The following TRIO variants were observed in gnomAD, a reference collection of about 807,000 sequenced individuals.
TRIO encodes the protein triple functional domain protein.
A neutral mutation model predicts 351.9 loss-of-function variants in TRIO; 58 were observed. The observed-to-expected ratio is 0.16, with a 90% CI of 0.13 to 0.21. The LOEUF is 0.21. TRIO is among the 10% of genes least tolerant of loss of function. The pLI is 1.00. For synonymous variants in TRIO, 1,758 were observed against 1,595.7 expected, an observed-to-expected ratio of 1.10 and a Z score of -2.42; for missense variants, 3,201 against 4,027.8, an observed-to-expected ratio of 0.79 and a Z score of 5.56.
chr5:14,370,357 A>G (rs1744992638), intron 18 of TRIO, among the ~76,000 whole-genome samples: 1 of 152,138 alleles, frequency 6.6e-6, no homozygotes, highest in African/African-American at 2.4e-5. Context: ...AAGTAGTTGA[A>G]ACATTTAGCA....
At chr5:14,204,703 C>T (rs1791350007) in intron 1 of TRIO, among the ~76,000 whole-genome samples, 1 of 152,126 alleles carries the variant, frequency 6.6e-6, no homozygotes, top group Non-Finnish European at 1.5e-5. Context: ...GGGGAACAGA[C>T]ATGAAGTAAA....
At chr5:14,206,581 C>G (rs1231727343) in intron 1 of TRIO, among the ~76,000 whole-genome samples, 1 of 152,208 alleles carries the variant, frequency 6.6e-6, no homozygotes, top group Non-Finnish European at 1.5e-5. Flanking sequence ...TCCCGCTGCC[C>G]TTCTGTTCTG....
intron 1 of TRIO, among the ~76,000 whole-genome samples, chr5:14,168,404 T>C (rs1788903249): frequency 6.6e-6 from 1 of 152,256 alleles, no homozygotes; most frequent in South Asian, 2.1e-4. Context: ...ACAAGTACAT[T>C]ACTCATATTT....
At chr5:14,319,464 G>C (rs1297115472) in intron 9 of TRIO, among the ~76,000 whole-genome samples, 1 of 152,234 alleles carries the variant, frequency 6.6e-6, no homozygotes, top group Non-Finnish European at 1.5e-5. Flanking sequence ...ATTAAGCATA[G>C]AGTAGGAGAG....
chr5:14,459,021 G>A (rs900939332), intron 34 of TRIO, among the ~76,000 whole-genome samples: 59 of 152,286 alleles, frequency 3.9e-4, no homozygotes, highest in Non-Finnish European at 5.9e-4. Flanking sequence ...GAGGGGAAAG[G>A]GTTATCATTC....
At chr5:14,397,392 C>T in intron 29 of TRIO, 1 of 422,050 alleles carries the variant, frequency 2.4e-6, no homozygotes, top group Non-Finnish European at 4.3e-6. Context: ...CTCTGGACTC[C>T]AATAGCACTT....
intron 1 of TRIO, among the ~76,000 whole-genome samples, chr5:14,159,175 C>A (rs1257618453): frequency 1.3e-5 from 2 of 152,102 alleles, no homozygotes; most frequent in African/African-American, 4.8e-5. Context: ...CCCCCTCTCC[C>A]TTTTTTTGGT....
intron 27 of TRIO, among the ~76,000 whole-genome samples, chr5:14,392,135 C>A (rs935558321): frequency 6.6e-6 from 1 of 152,154 alleles, no homozygotes; most frequent in African/African-American, 2.4e-5. Flanking sequence ...AAACTATCAT[C>A]AGAGTGAACA....
intron 55 of TRIO, among the ~76,000 whole-genome samples, chr5:14,506,028 G>A (rs576508571): frequency 6.6e-6 from 1 of 152,272 alleles, no homozygotes; most frequent in African/African-American, 2.4e-5. Context: ...GAGATGGGGC[G>A]ATGTGTGTGG....
chr5:14,225,788 T>TC (rs1472666432), intron 1 of TRIO, among the ~76,000 whole-genome samples: 5,985 of 45,544 alleles, frequency 0.13, 51 homozygotes, highest in Middle Eastern at 0.2. Context: ...TATTCACTGC[T>TC]CCCACCCCCC....
At chr5:14,318,491 T>C (rs1739583157) in intron 9 of TRIO, among the ~76,000 whole-genome samples, 1 of 151,988 alleles carries the variant, frequency 6.6e-6, no homozygotes, top group South Asian at 2.1e-4. Flanking sequence ...GCCCTGTAAT[T>C]TTTAATTTTC....
rs1428269619 is a variant in TRIO at position 14,406,419 on chromosome 5, G to C, written c.4860-154G>C. 3.0e-5 allele frequency: 21 copies of C among 706,274 alleles called. No homozygotes were observed. The East Asian group carries it at 5.4e-4, about 18-fold the overall frequency. The allele number at this position is 706,274 out of a possible 1,614,324, so 43.8% of individuals were successfully genotyped here. A position where few individuals can be genotyped will look rare whatever the true frequency, so the allele number is the denominator to read the frequency against. On this transcript the variant is annotated intron_variant, in intron 32 of 56. Coordinates refer to ENST00000344204, the MANE Select transcript of TRIO (RefSeq NM_007118.4). ...CAGCACAGTGCCTAGCAGAAAGCCT[G>C]TGCTCGGTGAAGGGTGCCTTAACCA...
At chr5:14,506,855 G>A (rs1186878927) in intron 55 of TRIO, among the ~76,000 whole-genome samples, 2 of 152,138 alleles carry the variant, frequency 1.3e-5, no homozygotes, top group Non-Finnish European at 2.9e-5. Context: ...GCCATCCCCC[G>A]CAACAGGCGG....
chr5:14,266,043 T>TCATCCATC (rs933273136), intron 1 of TRIO, among the ~76,000 whole-genome samples: 1 of 152,122 alleles, frequency 6.6e-6, no homozygotes, highest in East Asian at 1.9e-4. Context: ...ATTCATTCAT[T>TCATCCATC]CATCCATCCA....
chr5:14,439,098 C>T (rs1751824487), intron 34 of TRIO, among the ~76,000 whole-genome samples: 2 of 152,234 alleles, frequency 1.3e-5, no homozygotes, highest in African/African-American at 4.8e-5. Flanking sequence ...TCACTGCATC[C>T]TCCACCTCCT....
intron 11 of TRIO, among the ~76,000 whole-genome samples, chr5:14,337,061 C>G (rs1579361023): frequency 6.6e-6 from 1 of 152,214 alleles, no homozygotes; most frequent in African/African-American, 2.4e-5. Context: ...GGCTGTGAAC[C>G]TGTCACATGG....
In TRIO at chr5:14,389,315, C is replaced by T. The variant is rs145624600; in HGVS notation, c.3975C>T (p.Gly1325=). The part of the protein sequence containing the change: ...MDTYLWEMTS[G]VEEIPPGIVN... The stretch of plus-strand genomic sequence containing the variant: ...CGTACCTGTGGGAAATGACCAGTGG[C>T]GTGGAAGAGATTCCACCTGGCATTG... Residue 1325 remains glycine (G), a synonymous_variant, in exon 25 of 57, where the codon GGC becomes GGT. Transcript: ENST00000344204. 7.4e-6 allele frequency: 12 copies of T among 1,611,932 alleles called. No individual in the cohort carries two copies. The highest frequency in any genetic ancestry group is 2.7e-5 in the African/African-American group (2 of 74,694).
intron 6 of TRIO, among the ~76,000 whole-genome samples, chr5:14,294,252 C>A (rs1256095687): frequency 6.6e-6 from 1 of 152,032 alleles, no homozygotes; most frequent in Non-Finnish European, 1.5e-5. Context: ...CAGAAAGATG[C>A]CATTTAATTA....
chr5:14,429,761 C>T (rs1382471810), intron 34 of TRIO, among the ~76,000 whole-genome samples: 1 of 152,192 alleles, frequency 6.6e-6, no homozygotes, highest in East Asian at 1.9e-4. Flanking sequence ...GTGCCAGGTA[C>T]ACATAACCAT....
Sources: allele counts gnomAD v4.1 joint callset (sites outside exome capture counted in the v4.1 genomes callset), GRCh38; gene constraint gnomAD v4.1.1; transcripts MANE v1.5; gene names NCBI Gene and HGNC (gene_info 2026-07-23, HGNC 2026-07-21).